The following ELAVL2 variants were observed in gnomAD, a reference collection of about 807,000 sequenced individuals.
The protein encoded by ELAVL2 is ELAV-like protein 2.
Under a neutral mutation model 34.6 loss-of-function variants are expected in ELAVL2, and 4 were observed. The ratio of observed to expected loss-of-function variants is 0.12; its 90% CI spans 0.06 to 0.26. The LOEUF (loss-of-function observed/expected upper bound fraction) is 0.26, where lower values mean the gene tolerates loss of function less well. Among genes scored for constraint, ELAVL2 ranks in the 10% least tolerant of loss-of-function variants. The pLI, the probability that ELAVL2 is intolerant of heterozygous loss-of-function variation, is 1.00. For missense variants in ELAVL2, 432 were observed against 442.8 expected (o/e 0.98, Z 0.22); for synonymous variants, 193 against 154.8 (o/e 1.25, Z -1.83).
intron 1 of ELAVL2, among the ~76,000 whole-genome samples, chr9:23,767,518 C>T (rs977274945): frequency 2.0e-5 from 3 of 152,166 alleles, no homozygotes; most frequent in Non-Finnish European, 2.9e-5. Flanking sequence ...CGGCGGCTCA[C>T]GTCTGTAATC....
At chr9:23,752,586 C>T (rs1234946828) in intron 2 of ELAVL2, among the ~76,000 whole-genome samples, 1 of 152,018 alleles carries the variant, frequency 6.6e-6, no homozygotes, top group Non-Finnish European at 1.5e-5. Flanking sequence ...TCCTGAAGAG[C>T]TGGGATTACA....
intron 3 of ELAVL2, among the ~76,000 whole-genome samples, chr9:23,728,537 T>C (rs530426310): frequency 6.6e-6 from 1 of 152,056 alleles, no homozygotes; most frequent in Non-Finnish European, 1.5e-5. Flanking sequence ...CCATAGAGTT[T>C]TGAGTGAGCA....
chr9:23,805,623 C>A (rs2062112415), intron 1 of ELAVL2, among the ~76,000 whole-genome samples: 1 of 152,204 alleles, frequency 6.6e-6, no homozygotes, highest in African/African-American at 2.4e-5. Flanking sequence ...CACAGGAGAA[C>A]CTGGCCCAAT....
intron 3 of ELAVL2, among the ~76,000 whole-genome samples, chr9:23,724,665 G>T (rs1042562171): frequency 4.6e-5 from 7 of 152,142 alleles, no homozygotes; most frequent in African/African-American, 1.7e-4. Context: ...ATAGATAGAA[G>T]CATTTTATTT....
intron 1 of ELAVL2, among the ~76,000 whole-genome samples, chr9:23,784,999 G>A (rs954208605): frequency 6.6e-6 from 1 of 152,136 alleles, no homozygotes; most frequent in East Asian, 1.9e-4. Flanking sequence ...GTGAAGTTAC[G>A]TGCATCCTAC....
intron 2 of ELAVL2, among the ~76,000 whole-genome samples, chr9:23,742,262 T>C (rs1251062420): frequency 1.3e-5 from 2 of 152,108 alleles, no homozygotes; most frequent in Non-Finnish European, 2.9e-5. Context: ...AACAAGTACC[T>C]CAATCCTCTT....
At chr9:23,846,642 A>C in the ELAVL2 span, among the ~76,000 whole-genome samples, 1 of 152,064 alleles carries the variant, frequency 6.6e-6, no homozygotes, top group Non-Finnish European at 1.5e-5. Flanking sequence ...TTTTTGGAAC[A>C]GAATTGAGAA....
intron 2 of ELAVL2, among the ~76,000 whole-genome samples, chr9:23,749,696 C>A (rs963139338): frequency 3.3e-5 from 5 of 151,930 alleles, no homozygotes; most frequent in Non-Finnish European, 7.4e-5. Context: ...TGTTAGCCTC[C>A]GGTGAACATT....
Position 23,692,799 on chromosome 9 carries a change from C to T in ELAVL2, c.838G>A (p.Val280Met), listed in dbSNP as rs2033621234. The change falls in exon 7 of 7, where the codon GTG (valine) becomes ATG (methionine). Residue 280 changes from valine (V) to methionine (M), a missense_variant. By Grantham distance (21) the Val-to-Met change is conservative. Around this residue, in one of 3 missense-constraint regions of ELAVL2, gnomAD observed 295 missense variants for 306.1 expected, o/e 0.96. Coordinates refer to ENST00000397312, the MANE Select transcript of ELAVL2 (RefSeq NM_004432.5). ...TCTGCGTCAGGAGCCAGGTTGTACA[C>T]AAATATACACCACCCTGTTCCAGGG... is the stretch of plus-strand genomic sequence containing the variant. ...GHPGTGWCIF[V>M]YNLAPDADES... 1.2e-6 allele frequency: 2 copies of T among 1,614,120 alleles called. No homozygotes were observed. Among genetic ancestry groups the T allele is most frequent in the Non-Finnish European group, 1.7e-6 (2 of 1,180,014 alleles).
At chr9:23,749,129 T>G (rs890545764) in intron 2 of ELAVL2, among the ~76,000 whole-genome samples, 7 of 152,140 alleles carry the variant, frequency 4.6e-5, no homozygotes, top group Non-Finnish European at 1.0e-4. Flanking sequence ...GTTCAAATGA[T>G]AAATTTTATG....
intron 1 of ELAVL2, among the ~76,000 whole-genome samples, chr9:23,778,268 T>C (rs1158529282): frequency 6.6e-6 from 1 of 152,182 alleles, no homozygotes; most frequent in African/African-American, 2.4e-5. Flanking sequence ...AAGCAGATTC[T>C]GTAACTCTCC....
intron 1 of ELAVL2, among the ~76,000 whole-genome samples, chr9:23,803,683 A>C (rs2061848074): frequency 6.6e-6 from 1 of 150,438 alleles, no homozygotes; most frequent in African/African-American, 2.4e-5. Flanking sequence ...AATAATCAAA[A>C]CTTTTTCCTT....
intron 4 of ELAVL2, among the ~76,000 whole-genome samples, chr9:23,704,060 G>T (rs750494386): frequency 6.6e-6 from 1 of 152,008 alleles, no homozygotes; most frequent in Non-Finnish European, 1.5e-5. Context: ...AGCCTCCTGA[G>T]TACCTGGGAT....
At chr9:23,718,740 G>C (rs774017470) in intron 3 of ELAVL2, among the ~76,000 whole-genome samples, 2 of 152,204 alleles carry the variant, frequency 1.3e-5, no homozygotes, top group Non-Finnish European at 2.9e-5. Context: ...AAACATTAGT[G>C]AGTGTTGTTT....
At chr9:23,846,089 G>T in the ELAVL2 span, among the ~76,000 whole-genome samples, 2 of 151,780 alleles carry the variant, frequency 1.3e-5, no homozygotes, top group African/African-American at 2.4e-5. Context: ...CAAGTCCAAA[G>T]ATTTTATAAA....
At chr9:23,833,240 A>G in the ELAVL2 span, among the ~76,000 whole-genome samples, 9 of 151,866 alleles carry the variant, frequency 5.9e-5, no homozygotes, top group African/African-American at 2.2e-4. Flanking sequence ...ATATTATTTT[A>G]ATGAATTCCA....
chr9:23,746,599 A>C (rs1043761804), intron 2 of ELAVL2, among the ~76,000 whole-genome samples: 1 of 152,032 alleles, frequency 6.6e-6, no homozygotes, highest in Non-Finnish European at 1.5e-5. Flanking sequence ...TAAAATGCCT[A>C]ATTGACTTTA....
At position 23,692,708 on chromosome 9, in the gene ELAVL2, T is replaced by A; in HGVS notation, c.929A>T (p.Asp310Val). The part of the protein sequence containing the change: ...GAVTNVKVIR[D>V]FNTNKCKGFG... ...ACCTTTGCATTTATTGGTGTTAAAG[T>A]CACGGATGACCTTCACATTGGTGAC... The change falls in exon 7 of 7, where the codon GAC becomes GTC. Residue 310 changes from aspartate (D) to valine (V), a missense_variant. Asp to Val is a radical substitution (Grantham distance 152, BLOSUM62 -3). Coordinates refer to ENST00000397312, the MANE Select transcript of ELAVL2 (RefSeq NM_004432.5). 6.2e-7 allele frequency: 1 copy of A among 1,614,202 alleles called. No homozygotes were observed. Among genetic ancestry groups the A allele is most frequent in the Non-Finnish European group, 8.5e-7 (1 of 1,180,022 alleles).
intron 1 of ELAVL2, among the ~76,000 whole-genome samples, chr9:23,797,374 G>C (rs1477811797): frequency 6.6e-6 from 1 of 152,198 alleles, no homozygotes; most frequent in Non-Finnish European, 1.5e-5. Context: ...CACAGGAACA[G>C]TGTAAATATA....
Sources: allele counts gnomAD v4.1 joint callset (sites outside exome capture counted in the v4.1 genomes callset), GRCh38; gene constraint gnomAD v4.1.1; regional missense constraint gnomAD v4.1.1; transcripts MANE v1.5; gene names NCBI Gene and HGNC (gene_info 2026-07-23, HGNC 2026-07-21).